The following RUBCN variants were observed in gnomAD, a reference collection of about 807,000 sequenced individuals.
The protein encoded by RUBCN is rubicon autophagy regulator.
RUBCN carries 74 observed loss-of-function variants against 113.2 expected under a neutral mutation model. The observed-to-expected ratio is 0.65, with a 90% CI of 0.54 to 0.79. The LOEUF (loss-of-function observed/expected upper bound fraction) is 0.79. Ranked by LOEUF, RUBCN falls within the 30% of genes least tolerant of loss-of-function variation. RUBCN has a pLI of 0.00. For synonymous variants in RUBCN, 480 were observed against 490.0 expected (o/e 0.98, Z 0.27); for missense variants, 1,109 against 1,251.7 (o/e 0.89, Z 1.72).
At chr3:197,694,970 C>A (rs1235120303) in intron 9 of RUBCN, among the ~76,000 whole-genome samples, 2 of 152,196 alleles carry the variant, frequency 1.3e-5, no homozygotes, top group African/African-American at 4.8e-5. Flanking sequence ...CTTATCTGAG[C>A]CTTAGAACAA....
In RUBCN at chr3:197,671,100, C is replaced by A. The variant is rs962657166; in HGVS notation, c.*3918G>T. Among the ~76,000 whole-genome samples the A allele has an allele frequency of 2.6e-5, 4 of 152,130 alleles. No homozygotes were observed. Among genetic ancestry groups the A allele is most frequent in the Non-Finnish European group, 2.9e-5 (2 of 68,020 alleles). On this transcript the variant is annotated 3_prime_UTR_variant, in exon 20 of 20. Coordinates refer to ENST00000296343, the MANE Select transcript of RUBCN (RefSeq NM_014687.4). ...AGCAAGCTTGGCTCACTGCAGCCCT[C>A]GCCTTCCAGGTTCAAGTGATTCTCA... is the stretch of plus-strand genomic sequence containing the variant.
intron 16 of RUBCN, among the ~76,000 whole-genome samples, chr3:197,677,806 A>C (rs897595919): frequency 2.1e-5 from 3 of 144,600 alleles, no homozygotes; most frequent in African/African-American, 7.8e-5. Flanking sequence ...AGACTGTCCC[A>C]CACTCTGACT....
Position 197,674,622 on chromosome 3 carries a change from G to A in RUBCN, c.*396C>T. On this transcript the variant is annotated 3_prime_UTR_variant, in exon 20 of 20. Transcript: ENST00000296343. ...AGGTGGTTGAGAAAGGCCTGGCTCA[G>A]AAGCTCCAGAACTGAAACAAAGGAA... The A allele has an allele frequency of 2.2e-6, 1 of 452,720 alleles. No individual in the cohort carries two copies. The highest frequency in any genetic ancestry group is 4.4e-6 in the Non-Finnish European group (1 of 226,366). 28.0% of individuals were successfully genotyped at this position (452,720 alleles called of 1,614,324 possible).
intron 9 of RUBCN, among the ~76,000 whole-genome samples, 189 bp downstream of exon 9, chr3:197,695,677 T>G (rs1022277701): frequency 6.6e-6 from 1 of 152,170 alleles, no homozygotes; most frequent in Non-Finnish European, 1.5e-5. Context: ...CGCTAATAAT[T>G]TGGACTCAGT....
intron 1 of RUBCN, among the ~76,000 whole-genome samples, chr3:197,743,760 T>C (rs1372008452): frequency 6.6e-6 from 1 of 152,004 alleles, no homozygotes; most frequent in Non-Finnish European, 1.5e-5. Context: ...CCGAGGTGGG[T>C]GGATCACGAG....
intron 2 of RUBCN, among the ~76,000 whole-genome samples, chr3:197,716,964 C>T (rs972937176): frequency 8.6e-5 from 13 of 151,902 alleles, no homozygotes; most frequent in African/African-American, 2.9e-4. Context: ...CTACAAAAAA[C>T]ACAAAAATTA....
rs914832422 is a variant in RUBCN, at chr3:197,668,959, C to A, written c.*6059G>T. Among the ~76,000 whole-genome samples the A allele has an allele frequency of 1.3e-5, 2 of 152,176 alleles. No homozygotes were observed. Among genetic ancestry groups the A allele is most frequent in the Non-Finnish European group, 2.9e-5 (2 of 68,036 alleles). ...AAAAATACTCCACAATGCCACCATT[C>A]TAACAGAACCACACTAATTTTTACG... On this transcript the variant is annotated 3_prime_UTR_variant, in exon 20 of 20. Transcript: ENST00000296343.
chr3:197,743,454 G>T (rs1026665988), intron 1 of RUBCN, among the ~76,000 whole-genome samples: 4 of 152,126 alleles, frequency 2.6e-5, no homozygotes, highest in Admixed American at 6.6e-5. Flanking sequence ...ACGAATAAAT[G>T]AACAAACAAA....
At chr3:197,677,333 T>C in intron 17 of RUBCN, 147 bp downstream of exon 17, 1 of 750,768 alleles carries the variant, frequency 1.3e-6, no homozygotes, top group South Asian at 1.5e-5. Flanking sequence ...ACAGATACAG[T>C]TACTGCTGTG....
At chr3:197,748,817 G>C (rs1191411762) in intron 1 of RUBCN, among the ~76,000 whole-genome samples, 1 of 152,208 alleles carries the variant, frequency 6.6e-6, no homozygotes, top group Admixed American at 6.5e-5. Context: ...AATAGTAAAT[G>C]TGTCATTGGT....
chr3:197,736,158 G>A (rs1728097611), intron 1 of RUBCN, among the ~76,000 whole-genome samples: 1 of 151,924 alleles, frequency 6.6e-6, no homozygotes, highest in Non-Finnish European at 1.5e-5. Context: ...GGCTCTCCTC[G>A]CCTTCATCCC....
At chr3:197,740,593 A>G (rs1343484739), upstream of RUBCN, among the ~76,000 whole-genome samples, 2 of 152,136 alleles carry the variant, frequency 1.3e-5, no homozygotes, top group African/African-American at 4.8e-5. Context: ...TAGCATGGTT[A>G]TGTTAAGGAA....
intron 1 of RUBCN, among the ~76,000 whole-genome samples, chr3:197,720,974 T>C (rs1726094561): frequency 6.6e-6 from 1 of 152,114 alleles, no homozygotes; most frequent in East Asian, 1.9e-4. Flanking sequence ...ACACCGGCTA[T>C]CTTCTGATTT....
chr3:197,728,336 G>A (rs1302812869), intron 1 of RUBCN, among the ~76,000 whole-genome samples: 1 of 152,198 alleles, frequency 6.6e-6, no homozygotes, highest in Non-Finnish European at 1.5e-5. Context: ...AGCTTCAAGG[G>A]TATGTTTCTG....
intron 1 of RUBCN, among the ~76,000 whole-genome samples, chr3:197,723,002 G>GT (rs975395687): frequency 2.0e-5 from 3 of 151,898 alleles, no homozygotes; most frequent in South Asian, 2.1e-4. Flanking sequence ...TTGTTTTCTA[G>GT]TTTTTTTACA....
In RUBCN at chr3:197,699,299, A is replaced by C. The variant is rs1027981014; in HGVS notation, c.1261+1314T>G. 2.8e-5 allele frequency: 34 copies of C among 1,205,132 alleles called. No individual in the cohort carries two copies. In the African/African-American group the frequency reaches 4.7e-4, roughly 17 times the overall value. 74.7% of individuals were successfully genotyped at this position (1,205,132 alleles called of 1,614,324 possible). A position where few individuals can be genotyped will look rare whatever the true frequency, so the allele number is the denominator to read the frequency against. Reference sequence around the variant, plus strand: ...CAATGAGAATACAGAGAGAGAAAAAAAGTGTCCTAAATTTTACCCAGCAGA... The same window carrying C: ...CAATGAGAATACAGAGAGAGAAAAACAGTGTCCTAAATTTTACCCAGCAGA... On this transcript the variant is annotated intron_variant, in intron 7 of 19. Coordinates refer to ENST00000296343, the MANE Select transcript of RUBCN (RefSeq NM_014687.4).
Position 197,678,626 on chromosome 3 carries a change from C to T in RUBCN, c.2431-1085G>A, listed in dbSNP as rs12491936. ...CTGTCCTACGCTCTGACAACTGGCT[C>T]CAGACTGTCCTACGCTCTAACTGAC... On this transcript the variant is annotated intron_variant, in intron 16 of 19. Transcript: ENST00000296343. Among the ~76,000 whole-genome samples the T allele has an allele frequency of 7.9e-5, 11 of 139,864 alleles. No homozygotes were observed. The East Asian group carries it at 8.8e-4, about 11-fold the overall frequency. The allele number at this position is 139,864 out of a possible 152,430, so 91.8% of individuals were successfully genotyped here. A position where few individuals can be genotyped will look rare whatever the true frequency, so the allele number is the denominator to read the frequency against.
intron 1 of RUBCN, among the ~76,000 whole-genome samples, chr3:197,731,311 G>C (rs1206028225): frequency 6.6e-6 from 1 of 152,172 alleles, no homozygotes; most frequent in Non-Finnish European, 1.5e-5. Context: ...AGGGTTGGGG[G>C]TAACGTCACC....
chr3:197,698,955 T>TA (rs1723323526), intron 7 of RUBCN, among the ~76,000 whole-genome samples: 1 of 151,930 alleles, frequency 6.6e-6, no homozygotes, highest in South Asian at 2.1e-4. Context: ...ACTGAATTGA[T>TA]AAGTCTTGAC....
Sources: allele counts gnomAD v4.1 joint callset (sites outside exome capture counted in the v4.1 genomes callset), GRCh38; gene constraint gnomAD v4.1.1; transcripts MANE v1.5; gene names NCBI Gene and HGNC (gene_info 2026-07-23, HGNC 2026-07-21).